NPS: variants seen among roughly 807,000 people sequenced by gnomAD.
NPS encodes the protein neuropeptide S.
In NPS, 6 loss-of-function variants were observed where a neutral mutation model predicts 7.2. The observed-to-expected ratio is 0.83, with a 90% CI of 0.46 to 1.64. The LOEUF (loss-of-function observed/expected upper bound fraction) is 1.64, where lower values mean the gene tolerates loss of function less well. Ranked by LOEUF, NPS falls within the 40% of genes most tolerant of loss-of-function variation. NPS has a pLI of 0.01. For synonymous variants in NPS, 42 were observed against 36.7 expected, an observed-to-expected ratio of 1.14 and a Z score of -0.52; for missense variants, 123 against 97.8, an observed-to-expected ratio of 1.26 and a Z score of -1.09.
chr10:127,552,428 T>C (rs754773918), intron 2 of NPS, 32 bp from the exon 3 acceptor site: 1 of 1,346,996 alleles, frequency 7.4e-7, no homozygotes, highest in East Asian at 2.3e-5. Flanking sequence ...TAAGGCTGTA[T>C]TCTCTTTCTC....
chr10:127,552,062 C>T (rs1844863278), intron 2 of NPS, among the ~76,000 whole-genome samples: 1 of 152,148 alleles, frequency 6.6e-6, no homozygotes, highest in Non-Finnish European at 1.5e-5. Context: ...CCAGGACAGG[C>T]CCCAGGAGAA....
At chr10:127,552,151 C>A (rs2134877962) in intron 2 of NPS, among the ~76,000 whole-genome samples, 1 of 152,248 alleles carries the variant, frequency 6.6e-6, no homozygotes, top group South Asian at 2.1e-4. Context: ...ATTCCCAGGG[C>A]TAATTAGTGC....
chr10:127,550,598 C>G (rs1341831382), intron 2 of NPS, among the ~76,000 whole-genome samples: 1 of 152,196 alleles, frequency 6.6e-6, no homozygotes, highest in Admixed American at 6.5e-5. Flanking sequence ...ATAACAGGCT[C>G]TTCTCTGTAG....
Position 127,549,492 on chromosome 10 carries a change from A to G in NPS, c.12A>G (p.Ser4=). 6.2e-7 allele frequency: 1 copy of G among 1,610,348 alleles called. No individual in the cohort carries two copies. The highest frequency in any genetic ancestry group is 8.5e-7 in the Non-Finnish European group (1 of 1,176,630). The change falls in exon 2 of 3, where the codon TCA becomes TCG. Residue 4 remains serine (S), a synonymous_variant. Coordinates refer to ENST00000398023, the MANE Select transcript of NPS (RefSeq NM_001030013.2). ...GTACTTTTTTTCTACTTTGCAGCTCAGTAAAACTCAATCTCATCCTAGTTC... is the reference window on the plus strand; with the variant it reads ...GTACTTTTTTTCTACTTTGCAGCTCGGTAAAACTCAATCTCATCCTAGTTC... MIS[S]VKLNLILVLS... is the part of the protein sequence containing the mutation.
intron 2 of NPS, among the ~76,000 whole-genome samples, chr10:127,551,478 T>G (rs980312646): frequency 1.3e-5 from 2 of 152,168 alleles, no homozygotes; most frequent in African/African-American, 4.8e-5. Context: ...GTCTCTTTAT[T>G]GATAATAAAA....
rs376824616 is a variant in NPS, at chr10:127,552,480, C to T, written c.111C>T (p.Tyr37=). 7 of 1,608,732 alleles carry T rather than the reference C, an allele frequency of 4.4e-6. No homozygotes were observed. The African/African-American group carries it at 9.4e-5, about 22-fold the overall frequency. Residue 37 remains tyrosine (Y), a synonymous_variant, in exon 3 of 3, where the codon TAC becomes TAT. Transcript: ENST00000398023. ...PSSKVSGKSD[Y]FLILLNSCPT... ...GCCAGGTGTCTGGAAAATCTGATTA[C>T]TTTCTCATTCTGCTGAACAGCTGCC...
chr10:127,550,122 A>G, intron 2 of NPS, among the ~76,000 whole-genome samples: 1 of 152,174 alleles, frequency 6.6e-6, no homozygotes, highest in Non-Finnish European at 1.5e-5. Context: ...TTATTTCTAC[A>G]TAATATTTCA....
rs1844875690 is a variant in NPS, at chr10:127,553,284, A to G, written c.*645A>G. 6.6e-6 allele frequency among the ~76,000 whole-genome samples: 1 copy of G among 152,126 alleles called. No homozygotes were observed. Among genetic ancestry groups the G allele is most frequent in the South Asian group, 2.1e-4 (1 of 4,816 alleles). ...TTGTCTTGGAAATTTGTTGCCTTTT[A>G]AAATCTTTAAGCACAGAAATGCTGC... On this transcript the variant is annotated 3_prime_UTR_variant, in exon 3 of 3. Coordinates refer to ENST00000398023, the MANE Select transcript of NPS (RefSeq NM_001030013.2).
chr10:127,551,082 C>T (rs376695703), intron 2 of NPS, among the ~76,000 whole-genome samples: 15 of 152,172 alleles, frequency 9.9e-5, no homozygotes, highest in East Asian at 7.7e-4. Flanking sequence ...ACTCAGAGGC[C>T]CTTCCCTGCT....
At position 127,552,929 on chromosome 10, in the gene NPS, A is replaced by G. The variant is rs957834159; in HGVS notation, c.*290A>G. Among the ~76,000 whole-genome samples the G allele has an allele frequency of 6.6e-6, 1 of 152,206 alleles. No individual in the cohort carries two copies. Among genetic ancestry groups the G allele is most frequent in the Admixed American group, 6.5e-5 (1 of 15,280 alleles). On this transcript the variant is annotated 3_prime_UTR_variant, in exon 3 of 3. Coordinates refer to ENST00000398023, the MANE Select transcript of NPS (RefSeq NM_001030013.2). ...TGCTTTGCTTTTAACTTGGCCAGAAAGCATGAGCATGTTGACAGTCATCAC... is the reference window on the plus strand; with the variant it reads ...TGCTTTGCTTTTAACTTGGCCAGAAGGCATGAGCATGTTGACAGTCATCAC...
At chr10:127,549,650 A>C (rs1844840087) in intron 2 of NPS, 80 bp downstream of exon 2, 1 of 873,168 alleles carries the variant, frequency 1.1e-6, no homozygotes, top group Non-Finnish European at 1.9e-6. Flanking sequence ...ACTTTCAAGG[A>C]ATATGTGACA....
rs369240846 is a variant in NPS, at chr10:127,552,665, T to C, written c.*26T>C. 2.6e-6 allele frequency: 4 copies of C among 1,518,672 alleles called. No homozygotes were observed. The highest frequency in any genetic ancestry group is 3.7e-6 in the Non-Finnish European group (4 of 1,095,580). 94.1% of individuals were successfully genotyped at this position (1,518,672 alleles called of 1,614,324 possible). A position where few individuals can be genotyped will look rare whatever the true frequency, so the allele number is the denominator to read the frequency against. On this transcript the variant is annotated 3_prime_UTR_variant, in exon 3 of 3. Coordinates refer to ENST00000398023, the MANE Select transcript of NPS (RefSeq NM_001030013.2). ...CTAAGTGTGCAAAGGACTCGGGGAA[T>C]TAATCTAACTGTAGAGTGTGACTGA...
At position 127,549,481 on chromosome 10, in the gene NPS, C is replaced by G; in HGVS notation, c.9-8C>G. 2 of 1,606,518 alleles carry G rather than the reference C, an allele frequency of 1.2e-6. No individual in the cohort carries two copies. Among genetic ancestry groups the G allele is most frequent in the East Asian group, 4.5e-5 (2 of 44,818 alleles). On this transcript the variant is annotated splice_polypyrimidine_tract_variant and splice_region_variant and intron_variant, in intron 1 of 2. Transcript: ENST00000398023. ...AAATCTTGATTGTACTTTTTTTCTA[C>G]TTTGCAGCTCAGTAAAACTCAATCT...
At chr10:127,551,763 C>T (rs989844939) in intron 2 of NPS, among the ~76,000 whole-genome samples, 11 of 152,312 alleles carry the variant, frequency 7.2e-5, no homozygotes, top group Admixed American at 6.5e-4. Flanking sequence ...CGTACCCAAG[C>T]CCTGGGTCAG....
At position 127,553,340 on chromosome 10, in the gene NPS, T is replaced by C. The variant is rs1180518170; in HGVS notation, c.*701T>C. 6.6e-6 allele frequency among the ~76,000 whole-genome samples: 1 copy of C among 152,142 alleles called. No individual in the cohort carries two copies. Among genetic ancestry groups the C allele is most frequent in the Non-Finnish European group, 1.5e-5 (1 of 68,020 alleles). ...ACAACAACAACAGAGAGACTGAGAG[T>C]GCCCTGTGTTGTCAGGGCAGCCATT... On this transcript the variant is annotated 3_prime_UTR_variant, in exon 3 of 3. Transcript: ENST00000398023.
At position 127,553,061 on chromosome 10, in the gene NPS, C is replaced by A. The variant is rs1160916076; in HGVS notation, c.*422C>A. ...CTCAAATGACTTAACAGGCTCAATTCTTGGGGTGGGGGGATGTGCTATTTC... is the reference window on the plus strand; with the variant it reads ...CTCAAATGACTTAACAGGCTCAATTATTGGGGTGGGGGGATGTGCTATTTC... On this transcript the variant is annotated 3_prime_UTR_variant, in exon 3 of 3. Coordinates refer to ENST00000398023, the MANE Select transcript of NPS (RefSeq NM_001030013.2). 1.3e-5 allele frequency among the ~76,000 whole-genome samples: 2 copies of A among 151,554 alleles called. No individual in the cohort carries two copies. The highest frequency in any genetic ancestry group is 2.4e-5 in the African/African-American group (1 of 41,162).
At position 127,549,389 on chromosome 10, in the gene NPS, G is replaced by C. The variant is rs753277035; in HGVS notation, c.8+13G>C. ...CCAAAATGATTAGGTAAAAGGCTAC[G>C]TTTTTCTGCAAAGAAAAATGTTGCA... On this transcript the variant is annotated intron_variant, in intron 1 of 2. Coordinates refer to ENST00000398023, the MANE Select transcript of NPS (RefSeq NM_001030013.2). The C allele has an allele frequency of 1.2e-6, 2 of 1,608,052 alleles. No homozygotes were observed. Among genetic ancestry groups the C allele is most frequent in the Non-Finnish European group, 1.7e-6 (2 of 1,174,968 alleles).
Position 127,553,182 on chromosome 10 carries a change from G to A in NPS, c.*543G>A, listed in dbSNP as rs2134879091. Among the ~76,000 whole-genome samples, 1 of 152,200 alleles carries A rather than the reference G, an allele frequency of 6.6e-6. No individual in the cohort carries two copies. Among genetic ancestry groups the A allele is most frequent in the African/African-American group, 2.4e-5 (1 of 41,540 alleles). The stretch of plus-strand genomic sequence containing the variant: ...ATTGATACCAAGAACAAACATCCCT[G>A]GAGCACTCTAGATGTAATTCTTGTC... On this transcript the variant is annotated 3_prime_UTR_variant, in exon 3 of 3. Transcript: ENST00000398023.
chr10:127,552,213 T>A, intron 2 of NPS, among the ~76,000 whole-genome samples: 1 of 152,202 alleles, frequency 6.6e-6, no homozygotes, highest in East Asian at 1.9e-4. Context: ...TTATGTGTAG[T>A]GCATGATGTA....
Sources: allele counts gnomAD v4.1 joint callset (sites outside exome capture counted in the v4.1 genomes callset), GRCh38; gene constraint gnomAD v4.1.1; transcripts MANE v1.5; gene names NCBI Gene and HGNC (gene_info 2026-07-23, HGNC 2026-07-21).